SMYD3: variants seen among roughly 807,000 people sequenced by gnomAD.
The protein encoded by SMYD3 is SET and MYND domain containing 3, also known as histone-lysine N-methyltransferase SMYD3.
In SMYD3, 36 loss-of-function variants were observed where a neutral mutation model predicts 57.7. That is an observed-to-expected ratio of 0.62 (90% CI 0.48 to 0.82). SMYD3 has a LOEUF of 0.82. Ranked by LOEUF, SMYD3 falls within the 40% of genes least tolerant of loss-of-function variation. The pLI is 0.00. For missense variants in SMYD3, 515 were observed against 538.8 expected (o/e 0.96, Z 0.44); for synonymous variants, 211 against 195.0 (o/e 1.08, Z -0.68).
At chr1:246,327,582 T>C (rs1055712597) in intron 4 of SMYD3, among the ~76,000 whole-genome samples, 24 of 152,350 alleles carry the variant, frequency 1.6e-4, no homozygotes, top group Middle Eastern at 3.4e-3. Flanking sequence ...TACGCACATA[T>C]ATGAAAAAGC....
At chr1:245,869,800 T>C (rs905033713) in intron 8 of SMYD3, among the ~76,000 whole-genome samples, 5 of 152,214 alleles carry the variant, frequency 3.3e-5, no homozygotes, top group Non-Finnish European at 7.3e-5. Context: ...CTGTCAGGAC[T>C]CAGCGTGTTT....
intron 5 of SMYD3, among the ~76,000 whole-genome samples, chr1:246,138,851 A>G (rs919831659): frequency 6.6e-6 from 1 of 152,322 alleles, no homozygotes; most frequent in Admixed American, 6.5e-5. Context: ...TTTGCTAGAC[A>G]TAATCTAATC....
chr1:246,398,903 T>TTTATTTCTACTATTTATTATTTC (rs1572461698), intron 1 of SMYD3, among the ~76,000 whole-genome samples: 1 of 152,224 alleles, frequency 6.6e-6, no homozygotes, highest in South Asian at 2.1e-4. Flanking sequence ...CTTTCTACTA[T>TTTATTTCTACTATTTATTATTTC]TAATAAAAAG....
chr1:245,762,796 T>TGGGATCGGGCGGCTGCCAGTGTTA (rs1558310485), intron 11 of SMYD3, among the ~76,000 whole-genome samples: 1 of 152,060 alleles, frequency 6.6e-6, no homozygotes, highest in African/African-American at 2.4e-5. Flanking sequence ...TGCCAGTGTT[T>TGGGATCGGGCGGCTGCCAGTGTTA]TGGGATCAGC....
At chr1:246,321,917 A>AT (rs36096285) in intron 5 of SMYD3, 5 of 150,682 alleles carry the variant, frequency 3.3e-5, no homozygotes, top group Admixed American at 6.6e-5. Context: ...CTCTCAGCTA[A>AT]TTTTTTTTTT....
intron 5 of SMYD3, among the ~76,000 whole-genome samples, chr1:246,069,776 G>A (rs924352910): frequency 6.6e-6 from 1 of 152,146 alleles, no homozygotes. Flanking sequence ...AGCTGCCTGC[G>A]AAGGCTGAAT....
chr1:246,032,477 G>A (rs2059695616), intron 5 of SMYD3, among the ~76,000 whole-genome samples: 1 of 152,198 alleles, frequency 6.6e-6, no homozygotes, highest in African/African-American at 2.4e-5. Context: ...AGAGACAGAT[G>A]GCAGCCAGAC....
chr1:246,112,719 C>T (rs1422505746), intron 5 of SMYD3, among the ~76,000 whole-genome samples: 1 of 152,134 alleles, frequency 6.6e-6, no homozygotes, highest in Admixed American at 6.5e-5. Context: ...AAATAGGCTA[C>T]ACTAATGTAC....
chr1:245,892,686 C>T (rs1317283555), intron 8 of SMYD3, among the ~76,000 whole-genome samples: 2 of 152,164 alleles, frequency 1.3e-5, no homozygotes, highest in Non-Finnish European at 1.5e-5. Flanking sequence ...GAATCATTGG[C>T]TATCCATATA....
At chr1:246,438,388 A>G (rs1163122706) in intron 1 of SMYD3, among the ~76,000 whole-genome samples, 2 of 152,194 alleles carry the variant, frequency 1.3e-5, no homozygotes, top group Non-Finnish European at 2.9e-5. Flanking sequence ...AACCATCAAG[A>G]GCACAGGCTT....
chr1:246,164,069 A>C (rs892570467), intron 5 of SMYD3, among the ~76,000 whole-genome samples: 1 of 152,194 alleles, frequency 6.6e-6, no homozygotes, highest in African/African-American at 2.4e-5. Flanking sequence ...CTCAGACCAC[A>C]AAATTTAAAT....
intron 5 of SMYD3, among the ~76,000 whole-genome samples, chr1:245,945,741 A>T (rs751575366): frequency 6.6e-6 from 1 of 152,232 alleles, no homozygotes; most frequent in Non-Finnish European, 1.5e-5. Context: ...ACTGGATAAA[A>T]AAATCATGGT....
chr1:246,326,754 ACT>A (rs981224830), intron 5 of SMYD3: 29 of 274,446 alleles, frequency 1.1e-4, no homozygotes, highest in Non-Finnish European at 8.0e-5. Flanking sequence ...ACAGAACGAG[ACT>A]CTGTCTAAAA....
At chr1:246,283,599 G>C (rs2064497114) in intron 5 of SMYD3, among the ~76,000 whole-genome samples, 1 of 152,142 alleles carries the variant, frequency 6.6e-6, no homozygotes, top group Non-Finnish European at 1.5e-5. Flanking sequence ...ACAGTAACTA[G>C]AGGTCTCAAA....
chr1:246,003,592 C>G (rs1466082927), intron 5 of SMYD3, among the ~76,000 whole-genome samples: 1 of 152,140 alleles, frequency 6.6e-6, no homozygotes, highest in Non-Finnish European at 1.5e-5. Flanking sequence ...GCTCAGCTAT[C>G]AACAAAATTT....
chr1:245,938,715 T>C (rs1455560905), intron 5 of SMYD3, among the ~76,000 whole-genome samples: 1 of 152,166 alleles, frequency 6.6e-6, no homozygotes, highest in Non-Finnish European at 1.5e-5. Flanking sequence ...AGGATATCAT[T>C]TGATCTTTTG....
intron 5 of SMYD3, among the ~76,000 whole-genome samples, chr1:245,991,361 C>T (rs889458318): frequency 6.6e-6 from 1 of 152,136 alleles, no homozygotes; most frequent in Non-Finnish European, 1.5e-5. Context: ...ACAGAGATAC[C>T]AGCAGAGAAC....
intron 1 of SMYD3, among the ~76,000 whole-genome samples, chr1:246,439,237 C>A (rs565032680): frequency 6.6e-6 from 1 of 151,996 alleles, no homozygotes; most frequent in Non-Finnish European, 1.5e-5. Flanking sequence ...AATGAGACTA[C>A]AGGCAAACAC....
At chr1:246,300,317 G>T (rs2064871957) in intron 5 of SMYD3, among the ~76,000 whole-genome samples, 1 of 152,124 alleles carries the variant, frequency 6.6e-6, no homozygotes, top group African/African-American at 2.4e-5. Context: ...ATGCACATTT[G>T]CATGTATTAT....
Sources: gnomAD v4.1 joint callset for allele counts (sites outside exome capture counted in the v4.1 genomes callset) on GRCh38, gnomAD v4.1.1 for gene constraint, MANE v1.5 for transcripts, NCBI Gene and HGNC (gene_info 2026-07-23, HGNC 2026-07-21) for gene names.